Variants in PCDH9 observed in about 807,000 individuals in gnomAD.
PCDH9 encodes the protein protocadherin 9.
Under a neutral mutation model 70.6 loss-of-function variants are expected in PCDH9, and 24 were observed. That is an observed-to-expected ratio of 0.34 (90% CI 0.25 to 0.48). The LOEUF (loss-of-function observed/expected upper bound fraction) is 0.48, where lower values mean the gene tolerates loss of function less well. PCDH9 is among the 20% of genes least tolerant of loss of function. The pLI is 0.99. For synonymous variants in PCDH9, 562 were observed against 558.5 expected (o/e 1.01, Z -0.09); for missense variants, 1,281 against 1,503.6 (o/e 0.85, Z 2.45).
chr13:66,496,410 C>T (rs1306572879), intron 4 of PCDH9, among the ~76,000 whole-genome samples: 1 of 152,146 alleles, frequency 6.6e-6, no homozygotes, highest in Non-Finnish European at 1.5e-5. Context: ...CCTTCCATTC[C>T]TTAAATGTTT....
Position 67,072,620 on chromosome 13 carries a change from T to C in PCDH9, c.3036+152785A>G, listed in dbSNP as rs181338140. 6.5e-4 allele frequency among the ~76,000 whole-genome samples: 99 copies of C among 152,232 alleles called. 1 individual carries two copies. In the Middle Eastern group the frequency reaches 0.031, roughly 47 times the overall value. On this transcript the variant is annotated intron_variant, in intron 2 of 4. Transcript: ENST00000377865. Reference sequence around the variant, plus strand: ...GAAAGAGATATTGCATTTTCTTTCCTACACTTAATCTATATGAAGATATTC... The same window carrying C: ...GAAAGAGATATTGCATTTTCTTTCCCACACTTAATCTATATGAAGATATTC...
intron 4 of PCDH9, among the ~76,000 whole-genome samples, chr13:66,404,515 G>A (rs1002313172): frequency 6.6e-6 from 1 of 152,064 alleles, no homozygotes; most frequent in African/African-American, 2.4e-5. Context: ...GATTCACAAG[G>A]AGGCTGATAA....
chr13:66,449,081 C>T (rs1236691494), intron 4 of PCDH9, among the ~76,000 whole-genome samples: 3 of 152,164 alleles, frequency 2.0e-5, no homozygotes, highest in Non-Finnish European at 2.9e-5. Context: ...GGGATAAAAT[C>T]ATCTGCTCCT....
chr13:67,101,435 C>A (rs1015501369), intron 2 of PCDH9, among the ~76,000 whole-genome samples: 1 of 152,070 alleles, frequency 6.6e-6, no homozygotes, highest in African/African-American at 2.4e-5. Flanking sequence ...TTTAAAAATT[C>A]CAAAGTAGGT....
rs1340676375 is a variant in PCDH9, at chr13:66,445,472, T to C, written c.3341-140444A>G. Among the ~76,000 whole-genome samples the C allele has an allele frequency of 2.1e-5, 3 of 140,896 alleles. No individual in the cohort carries two copies. The Admixed American group carries it at 2.1e-4, about 10-fold the overall frequency. 92.4% of individuals were successfully genotyped at this position (140,896 alleles called of 152,430 possible). ...TATATATATACACATATATATAATA[T>C]ATATACACATAAAATATATACACAT... On this transcript the variant is annotated intron_variant, in intron 4 of 4. Coordinates refer to ENST00000377865, the MANE Select transcript of PCDH9 (RefSeq NM_203487.3).
chr13:67,093,122 T>G (rs1291504611), intron 2 of PCDH9, among the ~76,000 whole-genome samples: 2 of 152,142 alleles, frequency 1.3e-5, no homozygotes, highest in Non-Finnish European at 2.9e-5. Flanking sequence ...TTAATTATAT[T>G]AGTTAATAAA....
intron 3 of PCDH9, among the ~76,000 whole-genome samples, chr13:66,633,725 AT>A (rs563295969): frequency 2.9e-4 from 44 of 152,192 alleles, no homozygotes; most frequent in Non-Finnish European, 4.0e-4. Flanking sequence ...TTCGTAAAGC[AT>A]TTCTGGAAGT....
chr13:66,695,557 A>G (rs2139093931), intron 3 of PCDH9, among the ~76,000 whole-genome samples: 1 of 152,338 alleles, frequency 6.6e-6, no homozygotes, highest in African/African-American at 2.4e-5. Context: ...CATATATTAT[A>G]CCATAATTAC....
At chr13:66,471,728 A>G (rs1307300902) in intron 4 of PCDH9, among the ~76,000 whole-genome samples, 1 of 152,194 alleles carries the variant, frequency 6.6e-6, no homozygotes, top group Non-Finnish European at 1.5e-5. Context: ...CATAGCAAGT[A>G]AAGAACAGAG....
chr13:66,466,256 T>C (rs1489391187), intron 4 of PCDH9, among the ~76,000 whole-genome samples: 2 of 149,926 alleles, frequency 1.3e-5, no homozygotes, highest in East Asian at 2.1e-4. Flanking sequence ...AAGTTAGAAA[T>C]ATCTTTTACT....
intron 4 of PCDH9, among the ~76,000 whole-genome samples, chr13:66,568,367 A>T (rs1285108142): frequency 1.3e-5 from 2 of 152,006 alleles, no homozygotes; most frequent in African/African-American, 4.8e-5. Context: ...TTTACAGCAG[A>T]CTAAGATAAG....
chr13:67,127,421 T>C (rs2087003786), intron 2 of PCDH9, among the ~76,000 whole-genome samples: 1 of 152,186 alleles, frequency 6.6e-6, no homozygotes, highest in Non-Finnish European at 1.5e-5. Context: ...CTGGTCTTGC[T>C]GTATCCAGTC....
intron 4 of PCDH9, among the ~76,000 whole-genome samples, chr13:66,583,622 A>T (rs1436116532): frequency 2.0e-5 from 3 of 152,240 alleles, no homozygotes; most frequent in Non-Finnish European, 1.5e-5. Context: ...TCAAAAAAAA[A>T]AAAAGAATAA....
intron 4 of PCDH9, among the ~76,000 whole-genome samples, chr13:66,619,344 G>A (rs1391492590): frequency 6.6e-6 from 1 of 152,100 alleles, no homozygotes; most frequent in East Asian, 1.9e-4. Context: ...GAAAATGGGT[G>A]TTTTGGAGCC....
chr13:66,522,701 TAG>T (rs952744662), intron 4 of PCDH9, among the ~76,000 whole-genome samples: 1 of 150,768 alleles, frequency 6.6e-6, no homozygotes, highest in African/African-American at 2.4e-5. Context: ...ACCACGGAGA[TAG>T]AGAGAGTCAT....
intron 3 of PCDH9, among the ~76,000 whole-genome samples, chr13:66,768,718 T>G (rs563372249): frequency 3.8e-4 from 58 of 152,188 alleles, no homozygotes; most frequent in Middle Eastern, 6.8e-3. Flanking sequence ...AGAAACCCCA[T>G]GCTGACAAAG....
At position 67,230,280 on chromosome 13, in the gene PCDH9, TCCCTCTCTCCCTTCCCCTCTGC is replaced by T. The variant is rs2089976286; in HGVS notation, c.-658_-637del. 1 of 152,522 alleles carries T rather than the reference TCCCTCTCTCCCTTCCCCTCTGC, an allele frequency of 6.6e-6. No individual in the cohort carries two copies. The highest frequency in any genetic ancestry group is 1.5e-5 in the Non-Finnish European group (1 of 68,224). 9.4% of individuals were successfully genotyped at this position (152,522 alleles called of 1,614,324 possible). On this transcript the variant is annotated 5_prime_UTR_variant, in exon 1 of 5. Coordinates refer to ENST00000377865, the MANE Select transcript of PCDH9 (RefSeq NM_203487.3). ...GCGCTCCTTTCCGTCTCGCGTGCTC[TCCCTCTCTCCCTTCCCCTCTGC>T]CCCTCTCTCCTTCTCCCTCTCCTCT...
intron 3 of PCDH9, among the ~76,000 whole-genome samples, chr13:66,682,198 T>G (rs2078332511): frequency 6.6e-6 from 1 of 152,008 alleles, no homozygotes. Context: ...TCTATGAAAT[T>G]TTAAGACCTC....
At chr13:67,161,525 G>C (rs975703802) in intron 2 of PCDH9, among the ~76,000 whole-genome samples, 20 of 152,090 alleles carry the variant, frequency 1.3e-4, no homozygotes, top group Non-Finnish European at 2.4e-4. Flanking sequence ...TTTAACCATG[G>C]AGCCCTTACC....
Sources: gnomAD v4.1 joint callset for allele counts (sites outside exome capture counted in the v4.1 genomes callset) on GRCh38, gnomAD v4.1.1 for gene constraint, MANE v1.5 for transcripts, NCBI Gene and HGNC (gene_info 2026-07-23, HGNC 2026-07-21) for gene names.